Variants in C1orf21 observed in about 807,000 individuals in gnomAD.
C1orf21 encodes the protein uncharacterized protein C1orf21.
In C1orf21, 3 loss-of-function variants were observed where a neutral mutation model predicts 18.7. The observed-to-expected ratio is 0.16, with a 90% confidence interval of 0.07 to 0.42. The LOEUF (loss-of-function observed/expected upper bound fraction) is 0.42. Among genes scored for constraint, C1orf21 ranks in the 10% least tolerant of loss-of-function variants. The pLI is 0.99. For missense variants in C1orf21, 104 were observed against 143.6 expected, an observed-to-expected ratio of 0.72 and a Z score of 1.41; for synonymous variants, 41 against 46.4, an observed-to-expected ratio of 0.88 and a Z score of 0.47.
chr1:184,553,119 C>T (rs545507095), intron 3 of C1orf21, among the ~76,000 whole-genome samples: 7 of 152,162 alleles, frequency 4.6e-5, no homozygotes, highest in African/African-American at 1.4e-4. Context: ...TTTTTCAATT[C>T]TTAATACAAT....
At chr1:184,607,931 A>G (rs991209393) in intron 5 of C1orf21, among the ~76,000 whole-genome samples, 3 of 152,208 alleles carry the variant, frequency 2.0e-5, no homozygotes, top group African/African-American at 4.8e-5. Context: ...CAGTTTTTAC[A>G]TGGCATATTT....
At chr1:184,549,438 C>T (rs1658781033) in intron 3 of C1orf21, among the ~76,000 whole-genome samples, 1 of 151,998 alleles carries the variant, frequency 6.6e-6, no homozygotes, top group Admixed American at 6.6e-5. Flanking sequence ...GTAAAATATA[C>T]TAAATTTATA....
chr1:184,558,189 C>G (rs1658906254), intron 3 of C1orf21, among the ~76,000 whole-genome samples: 1 of 152,174 alleles, frequency 6.6e-6, no homozygotes, highest in African/African-American at 2.4e-5. Flanking sequence ...GTAGAAGTCA[C>G]CTTAGCTTTC....
At chr1:184,489,116 C>T (rs1027108337) in intron 2 of C1orf21, among the ~76,000 whole-genome samples, 3 of 152,082 alleles carry the variant, frequency 2.0e-5, no homozygotes, top group Non-Finnish European at 4.4e-5. Flanking sequence ...TATATAAAAT[C>T]TAAAATTTTG....
chr1:184,590,627 C>A lies in C1orf21; in HGVS notation c.190-112C>A, dbSNP rs1571292464. The A allele has an allele frequency of 4.9e-6, 5 of 1,019,178 alleles. No homozygotes were observed. In the East Asian group the frequency reaches 1.2e-4, roughly 25 times the overall value. 63.1% of individuals were successfully genotyped at this position (1,019,178 alleles called of 1,614,324 possible). A position where few individuals can be genotyped will look rare whatever the true frequency, so the allele number is the denominator to read the frequency against. On this transcript the variant is annotated intron_variant, in intron 3 of 5. Transcript: ENST00000235307. The stretch of plus-strand genomic sequence containing the variant: ...ACTTTTGCCCTTGTGAGGTAACCAG[C>A]CGTAGTATAGGGCCCCAAACAGATT...
chr1:184,505,199 C>T (rs958471938), intron 2 of C1orf21, among the ~76,000 whole-genome samples: 2 of 151,086 alleles, frequency 1.3e-5, no homozygotes, highest in African/African-American at 4.9e-5. Flanking sequence ...ACACAGTGGG[C>T]AAGGGGCCAT....
chr1:184,505,340 T>TATATATATATATATAC (rs1285554960), intron 2 of C1orf21, among the ~76,000 whole-genome samples: 1 of 118,682 alleles, frequency 8.4e-6, no homozygotes, highest in Non-Finnish European at 1.6e-5. Context: ...TATATATATA[T>TATATATATATATATAC]ACACACATGC....
intron 1 of C1orf21, among the ~76,000 whole-genome samples, chr1:184,393,546 T>G (rs1019541350): frequency 2.4e-4 from 37 of 152,240 alleles, no homozygotes; most frequent in African/African-American, 8.2e-4. Flanking sequence ...TTTGTTTTCA[T>G]TTTTGATTCT....
rs1659885171 is a variant in C1orf21 at position 184,619,667 on chromosome 1, A to AAGATC, written c.*112_*116dup. The AAGATC allele has an allele frequency of 4.2e-6, 4 of 953,108 alleles. No individual in the cohort carries two copies. Among genetic ancestry groups the AAGATC allele is most frequent in the Non-Finnish European group, 6.4e-6 (4 of 627,328 alleles). The allele number at this position is 953,108 out of a possible 1,614,324, so 59.0% of individuals were successfully genotyped here. A position where few individuals can be genotyped will look rare whatever the true frequency, so the allele number is the denominator to read the frequency against. ...TCAGCGAACAGCACTATAGCAAAAG[A>AAGATC]AGATCGTTCCATATTGTACGCCCCA... On this transcript the variant is annotated 3_prime_UTR_variant, in exon 6 of 6. Transcript: ENST00000235307.
intron 1 of C1orf21, among the ~76,000 whole-genome samples, chr1:184,421,414 G>A (rs752453736): frequency 5.3e-5 from 8 of 152,190 alleles, no homozygotes; most frequent in Non-Finnish European, 1.2e-4. Flanking sequence ...GTGTATTCTT[G>A]AGGTGTTTCA....
At chr1:184,458,315 G>T (rs1657251789) in intron 1 of C1orf21, among the ~76,000 whole-genome samples, 2 of 152,130 alleles carry the variant, frequency 1.3e-5, no homozygotes, top group Non-Finnish European at 2.9e-5. Flanking sequence ...AATGGTGTTT[G>T]CTCCTTTGTT....
rs147904576 is a variant in C1orf21 at position 184,488,036 on chromosome 1, G to A, written c.94+10433G>A. On this transcript the variant is annotated intron_variant, in intron 2 of 5. Transcript: ENST00000235307. ...TTGCTTGGTTTCCTCTGATTACGCT[G>A]GAGGAGAATGCGTCATCAGTTTATT... is the stretch of plus-strand genomic sequence containing the variant. Among the ~76,000 whole-genome samples, 500 of 152,270 alleles carry A rather than the reference G, an allele frequency of 3.3e-3. 1 individual carries two copies. The highest frequency in any genetic ancestry group is 0.011 in the African/African-American group (476 of 41,576).
intron 3 of C1orf21, among the ~76,000 whole-genome samples, chr1:184,561,993 C>T (rs187762524): frequency 3.9e-5 from 6 of 151,932 alleles, no homozygotes; most frequent in Non-Finnish European, 7.4e-5. Flanking sequence ...TTTCACCCAC[C>T]AAAAGGCCTT....
intron 3 of C1orf21, among the ~76,000 whole-genome samples, chr1:184,525,676 C>T (rs1970390): frequency 6.6e-6 from 1 of 152,102 alleles, no homozygotes; most frequent in Admixed American, 6.6e-5. Flanking sequence ...TTCTTTTCTA[C>T]ATTTAAAAAG....
chr1:184,566,878 A>G (rs1659042264), intron 3 of C1orf21: 10 of 495,846 alleles, frequency 2.0e-5, no homozygotes, highest in South Asian at 1.4e-4. Context: ...CAACAGCTGC[A>G]CCCAAATCTG....
chr1:184,474,661 T>C (rs1657544038), intron 1 of C1orf21, among the ~76,000 whole-genome samples: 1 of 152,140 alleles, frequency 6.6e-6, no homozygotes. Flanking sequence ...TCAAAGAGGA[T>C]GATTGTTAAG....
At chr1:184,601,176 G>C (rs925505879) in intron 5 of C1orf21, among the ~76,000 whole-genome samples, 1 of 152,144 alleles carries the variant, frequency 6.6e-6, no homozygotes, top group Admixed American at 6.5e-5. Flanking sequence ...GAGACCTTGA[G>C]TTTTAAGATT....
chr1:184,474,492 A>G (rs576238611), intron 1 of C1orf21, among the ~76,000 whole-genome samples: 24 of 152,368 alleles, frequency 1.6e-4, no homozygotes, highest in African/African-American at 2.4e-4. Flanking sequence ...AAATTCAAAT[A>G]AAATTTTTTT....
chr1:184,475,736 T>G (rs1308012002), intron 1 of C1orf21, among the ~76,000 whole-genome samples: 27 of 410 alleles, frequency 0.066, no homozygotes, highest in African/African-American at 0.12. Context: ...TGGAATAGGG[T>G]GTGTGTGTGT....
Sources: allele counts gnomAD v4.1 joint callset (sites outside exome capture counted in the v4.1 genomes callset), GRCh38; gene constraint gnomAD v4.1.1; transcripts MANE v1.5; gene names NCBI Gene and HGNC (gene_info 2026-07-23, HGNC 2026-07-21).